The following FGF8 variants were observed in gnomAD, a reference collection of about 807,000 sequenced individuals.
The protein encoded by FGF8 is androgen-induced growth factor.
Under a neutral mutation model 29.7 loss-of-function variants are expected in FGF8, and 12 were observed. That is an observed-to-expected ratio of 0.40 (90% CI 0.26 to 0.65). The LOEUF is 0.65. Among genes scored for constraint, FGF8 ranks in the 30% least tolerant of loss-of-function variants. The pLI is 0.37. For synonymous variants in FGF8, 157 were observed against 144.4 expected, an observed-to-expected ratio of 1.09 and a Z score of -0.63; for missense variants, 271 against 345.1, an observed-to-expected ratio of 0.79 and a Z score of 1.70.
At position 101,774,981 on chromosome 10, in the gene FGF8, C is replaced by G; in HGVS notation, c.157-69G>C. On this transcript the variant is annotated intron_variant, in intron 3 of 5. Coordinates refer to ENST00000320185, the MANE Select transcript of FGF8 (RefSeq NM_033163.5). ...CTCCGCCCAGGGGCCCGAGTGGCCC[C>G]ATCACCCTGCGTCCCCCTCACTGCC... 3 of 1,567,322 alleles carry G rather than the reference C, an allele frequency of 1.9e-6. No homozygotes were observed. The South Asian group carries it at 3.4e-5, about 18-fold the overall frequency.
chr10:101,775,672 G>T lies in FGF8; in HGVS notation c.69+68C>A. 4 of 1,515,420 alleles carry T rather than the reference G, an allele frequency of 2.6e-6. No homozygotes were observed. In the South Asian group the frequency reaches 4.8e-5, roughly 18 times the overall value. The allele number at this position is 1,515,420 out of a possible 1,614,324, so 93.9% of individuals were successfully genotyped here. ...CCGCAGAGTCAGTCCCGGTGCCCCC[G>T]ACCGGCGCTGCCCACCCGGGTCTCA... On this transcript the variant is annotated intron_variant, in intron 2 of 5. Coordinates refer to ENST00000320185, the MANE Select transcript of FGF8 (RefSeq NM_033163.5). This position sits in a 1 kb window ranked among gnomAD's most constrained non-coding sequence, Gnocchi z 4.6.
At chr10:101,780,175 C>G (rs1475486038), upstream of FGF8, 1 of 152,292 alleles carries the variant, frequency 6.6e-6, no homozygotes, top group Non-Finnish European at 1.5e-5. Context: ...TTTAGCAGCG[C>G]CCTCCTGGAT....
chr10:101,778,091 G>A, upstream of FGF8, among the ~76,000 whole-genome samples: 1 of 152,218 alleles, frequency 6.6e-6, no homozygotes, highest in East Asian at 1.9e-4. Context: ...CTTCAAGTGG[G>A]CAAAGGTTAT....
rs1388572304 is a variant in FGF8, at chr10:101,771,003, G to C, written c.445-384C>G. Among the ~76,000 whole-genome samples, 1 of 152,120 alleles carries C rather than the reference G, an allele frequency of 6.6e-6. No homozygotes were observed. The highest frequency in any genetic ancestry group is 1.5e-5 in the Non-Finnish European group (1 of 68,004). Reference sequence around the variant, plus strand: ...CAGGGCAGCCACCCTATGGGGGAGGGGAGGCCTGGGAGAAGATGCTAAGAC... The same window carrying C: ...CAGGGCAGCCACCCTATGGGGGAGGCGAGGCCTGGGAGAAGATGCTAAGAC... On this transcript the variant is annotated intron_variant, in intron 5 of 5. Transcript: ENST00000320185. This position sits in a 1 kb window ranked among gnomAD's most constrained non-coding sequence, Gnocchi z 5.3.
Position 101,775,396 on chromosome 10 carries a change from G to T in FGF8, c.70-180C>A. The T allele has an allele frequency of 1.6e-6, 1 of 608,142 alleles. No individual in the cohort carries two copies. Among genetic ancestry groups the T allele is most frequent in the Non-Finnish European group, 2.9e-6 (1 of 341,576 alleles). 37.7% of individuals were successfully genotyped at this position (608,142 alleles called of 1,614,324 possible). A position where few individuals can be genotyped will look rare whatever the true frequency, so the allele number is the denominator to read the frequency against. ...GAGAGGGTCTCTGCTGCAGTCACCC[G>T]GCTTCCCCTGGCATCGAACATCCAT... On this transcript the variant is annotated intron_variant, in intron 2 of 5. Transcript: ENST00000320185. The surrounding 1 kb of genome is among the most constrained non-coding windows in gnomAD (Gnocchi z 4.6).
Position 101,771,475 on chromosome 10 carries a change from C to T in FGF8, c.432G>A (p.Lys144=), listed in dbSNP as rs751003565. 54 of 1,613,932 alleles carry T rather than the reference C, an allele frequency of 3.3e-5. No homozygotes were observed. The Middle Eastern group carries it at 6.6e-4, about 20-fold the overall frequency. ...GCTGGGGCCTCACCTTGGCGATCAG[C>T]TTCCCCTTCTTGTTCATGCAGATGT... ...GLYICMNKKG[K]LIAKSNGKGK... is the part of the protein sequence containing the mutation. The change falls in exon 5 of 6, where the codon AAG becomes AAA. Residue 144 remains lysine (K), a synonymous_variant. Coordinates refer to ENST00000320185, the MANE Select transcript of FGF8 (RefSeq NM_033163.5). This position sits in a 1 kb window ranked among gnomAD's most constrained non-coding sequence, Gnocchi z 5.3.
chr10:101,773,446 G>T, intron 4 of FGF8, among the ~76,000 whole-genome samples: 1 of 151,200 alleles, frequency 6.6e-6, no homozygotes, highest in South Asian at 2.1e-4. Flanking sequence ...CAGGCAGGCC[G>T]CCCCCACCCC....
Position 101,770,224 on chromosome 10 carries a change from T to A in FGF8, c.*105A>T. The A allele has an allele frequency of 2.7e-5, 27 of 1,013,614 alleles. No homozygotes were observed. Among genetic ancestry groups the A allele is most frequent in the Middle Eastern group, 4.0e-4 (1 of 2,478 alleles). 62.8% of individuals were successfully genotyped at this position (1,013,614 alleles called of 1,614,324 possible). On this transcript the variant is annotated 3_prime_UTR_variant, in exon 6 of 6. Transcript: ENST00000320185. The stretch of plus-strand genomic sequence containing the variant: ...CGGAACCCAGGGCTCCCCCAGCACC[T>A]CCCCAGCCTGCAGAGCAGCGCACAG...
At chr10:101,778,137 C>G (rs912032068), upstream of FGF8, among the ~76,000 whole-genome samples, 2 of 152,266 alleles carry the variant, frequency 1.3e-5, no homozygotes, top group Non-Finnish European at 2.9e-5. Context: ...CATCCTTGTA[C>G]ACAGTAGGCC....
rs771618872 is a variant in FGF8, at chr10:101,775,188, C to A, written c.98G>T (p.Gly33Val). The change falls in exon 3 of 6, where the codon GGC becomes GTC. Residue 33 changes from glycine (G) to valine (V), a missense_variant. This residue lies in a region of FGF8 where 168 missense variants were observed against 207.0 expected (regional missense o/e 0.81). Coordinates refer to ENST00000320185, the MANE Select transcript of FGF8 (RefSeq NM_033163.5). This position sits in a 1 kb window ranked among gnomAD's most constrained non-coding sequence, Gnocchi z 4.6. ...CCGGAACAGGGAAGCGAGCTCCCTGCCCAGCGCAGGGCCCCTGCCCGGGCC... is the reference window on the plus strand; with the variant it reads ...CCGGAACAGGGAAGCGAGCTCCCTGACCAGCGCAGGGCCCCTGCCCGGGCC... ...QEGPGRGPAL[G>V]RELASLFRAG... The A allele has an allele frequency of 5.9e-5, 92 of 1,547,998 alleles. No individual in the cohort carries two copies. The highest frequency in any genetic ancestry group is 7.2e-5 in the Non-Finnish European group (82 of 1,146,842).
rs771420148 is a variant in FGF8, at chr10:101,774,736, G to T, written c.333C>A (p.Pro111=). 6.2e-7 allele frequency: 1 copy of T among 1,603,954 alleles called. No individual in the cohort carries two copies. The highest frequency in any genetic ancestry group is 8.5e-7 in the Non-Finnish European group (1 of 1,179,682). The change falls in exon 4 of 6, where the codon CCC becomes CCA. Residue 111 remains proline (P), a synonymous_variant. Coordinates refer to ENST00000320185, the MANE Select transcript of FGF8 (RefSeq NM_033163.5). ...GCTACCTTCAGCGCGCCTTACCGAAGGGGTCGCCGTCCTCTGCCATGGCGT... is the reference window on the plus strand; with the variant it reads ...GCTACCTTCAGCGCGCCTTACCGAATGGGTCGCCGTCCTCTGCCATGGCGT... ...RINAMAEDGD[P]FAKLIVETDT...
At chr10:101,779,205 G>C (rs975602423), upstream of FGF8, among the ~76,000 whole-genome samples, 1 of 152,112 alleles carries the variant, frequency 6.6e-6, no homozygotes, top group African/African-American at 2.4e-5. This position sits in a 1 kb window ranked among gnomAD's most constrained non-coding sequence, Gnocchi z 5.7. Flanking sequence ...AGCTCGCTCC[G>C]ACGCGCGCTT....
Position 101,771,433 on chromosome 10 carries a change from G to A in FGF8, c.444+30C>T, listed in dbSNP as rs200227278. 1.1e-4 allele frequency: 169 copies of A among 1,561,706 alleles called. 1 individual carries two copies. The highest frequency in any genetic ancestry group is 1.0e-4 in the Non-Finnish European group (117 of 1,132,636). ...CAGCCCAAGCCACTCCCTAGGTCCC[G>A]CGGACCCCACCTGCCTGCTGGGGCC... On this transcript the variant is annotated intron_variant, in intron 5 of 5. Coordinates refer to ENST00000320185, the MANE Select transcript of FGF8 (RefSeq NM_033163.5). The surrounding 1 kb of genome is among the most constrained non-coding windows in gnomAD (Gnocchi z 5.3).
chr10:101,779,271 T>C (rs1169333386), upstream of FGF8, among the ~76,000 whole-genome samples: 1 of 152,072 alleles, frequency 6.6e-6, no homozygotes, highest in Non-Finnish European at 1.5e-5. The surrounding 1 kb of genome is among the most constrained non-coding windows in gnomAD (Gnocchi z 5.7). Context: ...CAAATGCAAA[T>C]CGCCGAGACT....
At chr10:101,778,390 G>T (rs780636208), upstream of FGF8, among the ~76,000 whole-genome samples, 4 of 152,208 alleles carry the variant, frequency 2.6e-5, no homozygotes, top group Non-Finnish European at 5.9e-5. Flanking sequence ...CTGGAATGGG[G>T]GTAGGGGCAG....
chr10:101,779,916 G>C (rs2065129734), upstream of FGF8, among the ~76,000 whole-genome samples: 1 of 152,276 alleles, frequency 6.6e-6, no homozygotes, highest in Non-Finnish European at 1.5e-5. This position sits in a 1 kb window ranked among gnomAD's most constrained non-coding sequence, Gnocchi z 5.7. Flanking sequence ...GCAAGCCTCA[G>C]TGGCATTCCC....
Position 101,774,787 on chromosome 10 carries a change from C to G in FGF8, c.282G>C (p.Val94=). ...TGATGCGCTTGTTGGCCAGGACCTGCACGTGCTTCCCGCTGGTGCGGCTGT... is the reference window on the plus strand; with the variant it reads ...TGATGCGCTTGTTGGCCAGGACCTGGACGTGCTTCCCGCTGGTGCGGCTGT... The part of the protein sequence containing the change: ...QLYSRTSGKH[V]QVLANKRINA... Residue 94 remains valine, a synonymous_variant, in exon 4 of 6, where the codon GTG becomes GTC. Transcript: ENST00000320185. 6.2e-7 allele frequency: 1 copy of G among 1,611,918 alleles called. No homozygotes were observed. Among genetic ancestry groups the G allele is most frequent in the Non-Finnish European group, 8.5e-7 (1 of 1,179,998 alleles).
upstream of FGF8, among the ~76,000 whole-genome samples, chr10:101,779,569 C>A (rs76024890): frequency 3.3e-5 from 5 of 152,254 alleles, no homozygotes; most frequent in East Asian, 7.7e-4. The surrounding 1 kb of genome is among the most constrained non-coding windows in gnomAD (Gnocchi z 5.7). Flanking sequence ...ATTGGGCCCC[C>A]ACTGCGGGCA....
In FGF8 at chr10:101,775,231, C is replaced by T; in HGVS notation, c.70-15G>A. 2 of 1,537,676 alleles carry T rather than the reference C, an allele frequency of 1.3e-6. No homozygotes were observed. Among genetic ancestry groups the T allele is most frequent in the Non-Finnish European group, 8.8e-7 (1 of 1,138,174 alleles). ...CCCGGGCCTTCCTAGAGGAGCAGGG[C>T]GCTTTTAAGTAGGGAGGCAGCCCTC... On this transcript the variant is annotated splice_polypyrimidine_tract_variant and intron_variant, in intron 2 of 5. Coordinates refer to ENST00000320185, the MANE Select transcript of FGF8 (RefSeq NM_033163.5). The surrounding 1 kb of genome is among the most constrained non-coding windows in gnomAD (Gnocchi z 4.6).
Sources: allele counts gnomAD v4.1 joint callset (sites outside exome capture counted in the v4.1 genomes callset), GRCh38; gene constraint gnomAD v4.1.1; regional missense constraint gnomAD v4.1.1; non-coding constraint Gnocchi (gnomAD v3.1); transcripts MANE v1.5; gene names NCBI Gene and HGNC (gene_info 2026-07-23, HGNC 2026-07-21).